RRBP1: variants seen among roughly 807,000 people sequenced by gnomAD.
The protein encoded by RRBP1 is ribosome-binding protein 1.
A neutral mutation model predicts 165.2 loss-of-function variants in RRBP1; 94 were observed. That is an observed-to-expected ratio of 0.57 (90% CI 0.48 to 0.68). The LOEUF (loss-of-function observed/expected upper bound fraction) is 0.68, where lower values mean the gene tolerates loss of function less well. RRBP1 is among the 30% of genes least tolerant of loss of function. The probability of loss-of-function intolerance (pLI) is 0.00; values close to 1 mark genes in which losing one functional copy is unlikely to be tolerated. For synonymous variants in RRBP1, 680 were observed against 714.5 expected, an observed-to-expected ratio of 0.95 and a Z score of 0.77; for missense variants, 1,676 against 1,763.0, an observed-to-expected ratio of 0.95 and a Z score of 0.88.
At chr20:17,661,459 C>T (rs529361419) in intron 2 of RRBP1, among the ~76,000 whole-genome samples, 39 of 152,306 alleles carry the variant, frequency 2.6e-4, no homozygotes, top group African/African-American at 9.1e-4. Flanking sequence ...ACTCCCCAAA[C>T]CATAAGAATG....
chr20:17,644,128 C>A (rs962143433), intron 3 of RRBP1, among the ~76,000 whole-genome samples: 2 of 152,168 alleles, frequency 1.3e-5, no homozygotes, highest in Non-Finnish European at 2.9e-5. Context: ...ACTTACTAGT[C>A]ATAATATTTT....
Position 17,643,578 on chromosome 20 carries a change from A to G in RRBP1, c.1913-451T>C, listed in dbSNP as rs902112660. ...GTGGCCTTGTGGGACCTGACTGGGC[A>G]GCGAATTTACCGTCCACCACACACA... On this transcript the variant is annotated intron_variant, in intron 3 of 24. Coordinates refer to ENST00000377813, the MANE Select transcript of RRBP1 (RefSeq NM_001365613.2). The surrounding 1 kb of genome is among the most constrained non-coding windows in gnomAD (Gnocchi z 4.3). Among the ~76,000 whole-genome samples the G allele has an allele frequency of 1.3e-5, 2 of 152,070 alleles. No individual in the cohort carries two copies. The highest frequency in any genetic ancestry group is 4.8e-5 in the African/African-American group (2 of 41,400).
At chr20:17,655,496 T>C (rs80065321) in intron 3 of RRBP1, among the ~76,000 whole-genome samples, 2,385 of 152,346 alleles carry the variant, frequency 0.016, 72 homozygotes, top group African/African-American at 0.055. Context: ...AAAAGTCACA[T>C]TGTGACCACG....
intron 13 of RRBP1, among the ~76,000 whole-genome samples, chr20:17,622,575 C>A (rs2035935900): frequency 6.6e-6 from 1 of 152,056 alleles, no homozygotes; most frequent in African/African-American, 2.4e-5. Flanking sequence ...AGGGACTTTG[C>A]ACCCTGTGCC....
chr20:17,664,596 G>A (rs2036833623), intron 2 of RRBP1, among the ~76,000 whole-genome samples: 1 of 152,154 alleles, frequency 6.6e-6, no homozygotes. Flanking sequence ...TTAAGATTCG[G>A]GGAACAAAAG....
chr20:17,677,224 T>C (rs1464485579), intron 2 of RRBP1, among the ~76,000 whole-genome samples: 2 of 152,208 alleles, frequency 1.3e-5, no homozygotes, highest in African/African-American at 2.4e-5. Context: ...TGTTTGCTTA[T>C]ACCCTAACAG....
At chr20:17,674,192 T>C (rs1397502856) in intron 2 of RRBP1, among the ~76,000 whole-genome samples, 1 of 152,182 alleles carries the variant, frequency 6.6e-6, no homozygotes, top group African/African-American at 2.4e-5. Flanking sequence ...ACATTCCCGT[T>C]AGAAAGGGCT....
At chr20:17,618,869 T>C (rs1303454179) in intron 19 of RRBP1, 190 bp from the exon 20 acceptor site, 5 of 598,506 alleles carry the variant, frequency 8.4e-6, no homozygotes, top group African/African-American at 3.7e-5. Context: ...TTTGAGGACT[T>C]AGGAAGAATG....
intron 5 of RRBP1, 123 bp from the exon 6 acceptor site, chr20:17,636,852 G>T (rs2036257995): frequency 1.6e-6 from 2 of 1,238,388 alleles, no homozygotes; most frequent in East Asian, 4.8e-5. Context: ...CCTCCTGCTG[G>T]CCGGGTTCTC....
chr20:17,638,680 A>G (rs2036291444), intron 5 of RRBP1, among the ~76,000 whole-genome samples: 1 of 149,708 alleles, frequency 6.7e-6, no homozygotes, highest in Non-Finnish European at 1.5e-5. Flanking sequence ...CAGTTGCAAG[A>G]GTCAGATTTA....
intron 18 of RRBP1, among the ~76,000 whole-genome samples, 175 bp downstream of exon 18, chr20:17,620,124 A>G (rs916741854): frequency 6.6e-6 from 1 of 152,108 alleles, no homozygotes; most frequent in African/African-American, 2.4e-5. Context: ...TGAGGTAGTC[A>G]ATGTCTCTCA....
intron 5 of RRBP1, among the ~76,000 whole-genome samples, chr20:17,639,281 A>C (rs2036303525): frequency 6.6e-6 from 1 of 152,202 alleles, no homozygotes; most frequent in African/African-American, 2.4e-5. Flanking sequence ...CCTTGAACCC[A>C]ACTCTGCTGG....
At chr20:17,675,410 T>C (rs927018601) in intron 2 of RRBP1, among the ~76,000 whole-genome samples, 1 of 152,142 alleles carries the variant, frequency 6.6e-6, no homozygotes, top group Admixed American at 6.5e-5. Context: ...CCCTCGACAC[T>C]GGATATACCT....
chr20:17,629,571 C>G (rs111237775), intron 9 of RRBP1, among the ~76,000 whole-genome samples: 1 of 151,834 alleles, frequency 6.6e-6, no homozygotes, highest in African/African-American at 2.4e-5. Context: ...CTTCTAGCCC[C>G]TGTAGGTCCC....
In RRBP1 at chr20:17,615,843, G is replaced by A. The variant is rs532232515; in HGVS notation, c.3951+83C>T. On this transcript the variant is annotated intron_variant, in intron 22 of 24. Coordinates refer to ENST00000377813, the MANE Select transcript of RRBP1 (RefSeq NM_001365613.2). ...CAGGTGCTGCTGGGCACAGCCGAGCGGGGCAGGGCTGACCCACTCATTCCC... is the reference window on the plus strand; with the variant it reads ...CAGGTGCTGCTGGGCACAGCCGAGCAGGGCAGGGCTGACCCACTCATTCCC... 2.5e-4 allele frequency: 303 copies of A among 1,225,664 alleles called. No homozygotes were observed. The African/African-American group carries it at 2.8e-3, about 11-fold the overall frequency. 75.9% of individuals were successfully genotyped at this position (1,225,664 alleles called of 1,614,324 possible). A position where few individuals can be genotyped will look rare whatever the true frequency, so the allele number is the denominator to read the frequency against.
intron 11 of RRBP1, among the ~76,000 whole-genome samples, 176 bp downstream of exon 11, chr20:17,627,172 C>T (rs1024557255): frequency 3.7e-5 from 4 of 107,014 alleles, no homozygotes; most frequent in African/African-American, 7.8e-5. Context: ...CCTTCTTTCC[C>T]GCCCAGGCCT....
chr20:17,660,703 T>A (rs771132985), intron 2 of RRBP1, among the ~76,000 whole-genome samples, 175 bp from the exon 3 acceptor site: 1 of 152,160 alleles, frequency 6.6e-6, no homozygotes, highest in Non-Finnish European at 1.5e-5. Flanking sequence ...TGCTCCTCTT[T>A]AGGAGTGAGC....
At chr20:17,636,812 G>T in intron 5 of RRBP1, 83 bp from the exon 6 acceptor site, 2 of 1,542,598 alleles carry the variant, frequency 1.3e-6, no homozygotes, top group Non-Finnish European at 1.8e-6. Context: ...CATCACCCGA[G>T]CTGGGAGGCT....
intron 19 of RRBP1, 199 bp from the exon 20 acceptor site, chr20:17,618,878 T>C (rs1021031547): frequency 3.4e-6 from 2 of 588,632 alleles, no homozygotes; most frequent in Non-Finnish European, 3.1e-6. Context: ...TTAGGAAGAA[T>C]GGTGTTCACT....
Sources: gnomAD v4.1 joint callset for allele counts (sites outside exome capture counted in the v4.1 genomes callset) on GRCh38, gnomAD v4.1.1 for gene constraint, Gnocchi (gnomAD v3.1) non-coding constraint, MANE v1.5 for transcripts, NCBI Gene and HGNC (gene_info 2026-07-23, HGNC 2026-07-21) for gene names.